ATXN10: variants seen among roughly 807,000 people sequenced by gnomAD.
ATXN10 encodes ataxin-10.
A neutral mutation model predicts 52.9 loss-of-function variants in ATXN10; 28 were observed. The ratio of observed to expected loss-of-function variants is 0.53; its 90% CI spans 0.39 to 0.73. The LOEUF (loss-of-function observed/expected upper bound fraction) is 0.73. Among genes scored for constraint, ATXN10 ranks in the 30% least tolerant of loss-of-function variants. The pLI, the probability that ATXN10 is intolerant of heterozygous loss-of-function variation, is 0.00. For synonymous variants in ATXN10, 226 were observed against 221.5 expected, an observed-to-expected ratio of 1.02 and a Z score of -0.18; for missense variants, 565 against 577.0, an observed-to-expected ratio of 0.98 and a Z score of 0.21.
Position 45,718,341 on chromosome 22 carries a change from A to T in ATXN10, c.648-72A>T. On this transcript the variant is annotated intron_variant, in intron 5 of 11. Transcript: ENST00000252934. The surrounding 1 kb of genome is among the most constrained non-coding windows in gnomAD (Gnocchi z 4.4). ...ATGCTTTTGTGTGTAAGTGGTGCCT[A>T]TAAAGTAGATAAGGGCATGTCTCTT... 8.9e-7 allele frequency: 1 copy of T among 1,125,994 alleles called. No individual in the cohort carries two copies. Among genetic ancestry groups the T allele is most frequent in the Non-Finnish European group, 1.4e-6 (1 of 735,280 alleles). The allele number at this position is 1,125,994 out of a possible 1,614,324, so 69.8% of individuals were successfully genotyped here.
intron 10 of ATXN10, among the ~76,000 whole-genome samples, chr22:45,821,226 G>A (rs1248245286): frequency 6.6e-6 from 1 of 151,890 alleles, no homozygotes; most frequent in Admixed American, 6.6e-5. Flanking sequence ...TTGTAGAAAC[G>A]AGTACAATTA....
rs915054410 is a variant in ATXN10 at position 45,769,270 on chromosome 22, G to C, written c.1173+28732G>C. 6.6e-6 allele frequency among the ~76,000 whole-genome samples: 1 copy of C among 152,140 alleles called. No homozygotes were observed. The highest frequency in any genetic ancestry group is 6.5e-5 in the Admixed American group (1 of 15,278). On this transcript the variant is annotated intron_variant, in intron 9 of 11. Coordinates refer to ENST00000252934, the MANE Select transcript of ATXN10 (RefSeq NM_013236.4). The surrounding 1 kb of genome is among the most constrained non-coding windows in gnomAD (Gnocchi z 4.2). ...CTTTATCAAAAGAGTAACGTGTGCA[G>C]ATGGGCGCCGTTCATCCCCTCTCCC...
Position 45,769,918 on chromosome 22 carries a change from T to C in ATXN10, c.1173+29380T>C, listed in dbSNP as rs1283451401. On this transcript the variant is annotated intron_variant, in intron 9 of 11. Coordinates refer to ENST00000252934, the MANE Select transcript of ATXN10 (RefSeq NM_013236.4). The surrounding 1 kb of genome is among the most constrained non-coding windows in gnomAD (Gnocchi z 4.2). Reference sequence around the variant, plus strand: ...TATAAACATGTTGGTTGAATAAAAATTAAATGTTACCACAAGTATTTTGTC... The same window carrying C: ...TATAAACATGTTGGTTGAATAAAAACTAAATGTTACCACAAGTATTTTGTC... Among the ~76,000 whole-genome samples, 1 of 152,208 alleles carries C rather than the reference T, an allele frequency of 6.6e-6. No individual in the cohort carries two copies. The highest frequency in any genetic ancestry group is 6.5e-5 in the Admixed American group (1 of 15,282).
chr22:45,691,348 T>C (rs1348800994), intron 2 of ATXN10, among the ~76,000 whole-genome samples: 1 of 152,264 alleles, frequency 6.6e-6, no homozygotes, highest in African/African-American at 2.4e-5. Context: ...TGAGCATTCG[T>C]TGAGCCTGCC....
chr22:45,680,757 C>T (rs1231001639), intron 1 of ATXN10, among the ~76,000 whole-genome samples: 1 of 152,002 alleles, frequency 6.6e-6, no homozygotes, highest in African/African-American at 2.4e-5. Flanking sequence ...AGCCACTGTT[C>T]CTGGAACCCT....
rs1350684145 is a variant in ATXN10 at position 45,781,176 on chromosome 22, G to C, written c.1174-25783G>C. ...CCCAGCCCACCAACAATGGCTGAAT[G>C]GGGAGCCGAAACAGAAACCTTCCCC... is the stretch of plus-strand genomic sequence containing the variant. On this transcript the variant is annotated intron_variant, in intron 9 of 11. Transcript: ENST00000252934. This position sits in a 1 kb window ranked among gnomAD's most constrained non-coding sequence, Gnocchi z 4.2. Among the ~76,000 whole-genome samples, 1 of 152,196 alleles carries C rather than the reference G, an allele frequency of 6.6e-6. No individual in the cohort carries two copies. Among genetic ancestry groups the C allele is most frequent in the African/African-American group, 2.4e-5 (1 of 41,452 alleles).
At chr22:45,831,168 AAGT>A (rs1020311574) in intron 10 of ATXN10, among the ~76,000 whole-genome samples, 2 of 152,174 alleles carry the variant, frequency 1.3e-5, no homozygotes, top group African/African-American at 4.8e-5. Flanking sequence ...CAGAGACAGA[AAGT>A]AGAGTGCTTG....
At chr22:45,811,845 C>T (rs1928292166) in intron 10 of ATXN10, 1 of 461,970 alleles carries the variant, frequency 2.2e-6, no homozygotes, top group Non-Finnish European at 4.5e-6. Flanking sequence ...AAAACCAAAA[C>T]TGGATCATTC....
chr22:45,752,565 T>TTGGGGTTGGGGTTGGGGTTGGGGC, intron 9 of ATXN10, among the ~76,000 whole-genome samples: 1 of 82,578 alleles, frequency 1.2e-5, no homozygotes, highest in South Asian at 5.8e-4. Flanking sequence ...GGGGTTGGGG[T>TTGGGGTTGGGGTTGGGGTTGGGGC]TGGGGCTGGG....
At chr22:45,807,413 T>C (rs1020944634) in intron 10 of ATXN10, among the ~76,000 whole-genome samples, 2 of 152,198 alleles carry the variant, frequency 1.3e-5, no homozygotes, top group Non-Finnish European at 2.9e-5. Context: ...GTACCCAGTC[T>C]TTTGGAAGTA....
At chr22:45,687,026 C>T (rs745737069) in intron 1 of ATXN10, among the ~76,000 whole-genome samples, 11 of 152,078 alleles carry the variant, frequency 7.2e-5, no homozygotes, top group Non-Finnish European at 1.2e-4. Flanking sequence ...ATACTGCAAA[C>T]GCGAATTATT....
chr22:45,760,856 A>G (rs1202776534), intron 9 of ATXN10, among the ~76,000 whole-genome samples: 1 of 152,178 alleles, frequency 6.6e-6, no homozygotes, highest in Non-Finnish European at 1.5e-5. Context: ...GAACCAGCCC[A>G]TCCTCACTGA....
At chr22:45,807,069 CT>C (rs763129599) in intron 10 of ATXN10, 47 bp downstream of exon 10, 1 of 1,511,954 alleles carries the variant, frequency 6.6e-7, no homozygotes, top group African/African-American at 1.4e-5. Context: ...AGCCGGGGCC[CT>C]TAGCAAAACA....
In ATXN10 at chr22:45,733,434, CAT is replaced by C. The variant is rs754734676; in HGVS notation, c.894+3846_894+3847del. Among the ~76,000 whole-genome samples, 8 of 152,220 alleles carry C rather than the reference CAT, an allele frequency of 5.3e-5. No individual in the cohort carries two copies. In the Middle Eastern group the frequency reaches 0.01, roughly 194 times the overall value. ...ATTATTTAAGCTGAAGTCAGTGAAACATAAAGTTACAAAGTTTCAGCCAGGCG... is the reference window on the plus strand; with the variant it reads ...ATTATTTAAGCTGAAGTCAGTGAAACAAAGTTACAAAGTTTCAGCCAGGCG... On this transcript the variant is annotated intron_variant, in intron 7 of 11. Transcript: ENST00000252934. The surrounding 1 kb of genome is among the most constrained non-coding windows in gnomAD (Gnocchi z 4.4).
intron 9 of ATXN10, among the ~76,000 whole-genome samples, chr22:45,768,424 A>G (rs914606362): frequency 9.9e-5 from 15 of 152,210 alleles, no homozygotes; most frequent in Non-Finnish European, 8.8e-5. Context: ...CATAGAAAAC[A>G]CAACTGGTTT....
intron 9 of ATXN10, among the ~76,000 whole-genome samples, chr22:45,776,816 A>G (rs992888972): frequency 6.6e-6 from 1 of 152,174 alleles, no homozygotes; most frequent in Non-Finnish European, 1.5e-5. Flanking sequence ...TTTTTTAAGC[A>G]TTGGTATTCT....
chr22:45,725,981 C>T (rs1025103597), intron 6 of ATXN10, among the ~76,000 whole-genome samples: 5 of 151,994 alleles, frequency 3.3e-5, no homozygotes, highest in Non-Finnish European at 7.4e-5. Context: ...TTGAACCATC[C>T]CTACATCCTA....
chr22:45,720,908 G>A (rs1403173720), intron 6 of ATXN10, among the ~76,000 whole-genome samples: 3 of 152,188 alleles, frequency 2.0e-5, no homozygotes, highest in East Asian at 3.8e-4. Context: ...CTCTCTTGCT[G>A]TGTTATCCCA....
intron 5 of ATXN10, among the ~76,000 whole-genome samples, chr22:45,704,310 T>TAA (rs150976871): frequency 8.4e-5 from 12 of 143,446 alleles, no homozygotes; most frequent in African/African-American, 2.8e-4. Context: ...TTCAATTTGT[T>TAA]AAAAAAAAAA....
Sources: gnomAD v4.1 joint callset for allele counts (sites outside exome capture counted in the v4.1 genomes callset) on GRCh38, gnomAD v4.1.1 for gene constraint, Gnocchi (gnomAD v3.1) non-coding constraint, MANE v1.5 for transcripts, NCBI Gene and HGNC (gene_info 2026-07-23, HGNC 2026-07-21) for gene names.